SLC25A27: variants seen among roughly 807,000 people sequenced by gnomAD.
SLC25A27 encodes the protein solute carrier family 25 member 27.
A neutral mutation model predicts 49.1 loss-of-function variants in SLC25A27; 35 were observed. The observed-to-expected ratio is 0.71, with a 90% CI of 0.54 to 0.95. SLC25A27 has a LOEUF of 0.95. Among genes scored for constraint, SLC25A27 ranks in the 40% least tolerant of loss-of-function variants. The pLI, the probability that SLC25A27 is intolerant of heterozygous loss-of-function variation, is 0.00. For synonymous variants in SLC25A27, 144 were observed against 136.9 expected (o/e 1.05, Z -0.36); for missense variants, 339 against 397.1 (o/e 0.85, Z 1.24).
intron 2 of SLC25A27, chr6:46,658,478 CCA>C: frequency 2.3e-6 from 1 of 444,404 alleles, no homozygotes; most frequent in East Asian, 7.2e-5. Flanking sequence ...AATAAATTCT[CCA>C]ATGAAATTAT....
At chr6:46,669,679 C>T (rs1763452240) in intron 6 of SLC25A27, among the ~76,000 whole-genome samples, 1 of 152,124 alleles carries the variant, frequency 6.6e-6, no homozygotes, top group African/African-American at 2.4e-5. Flanking sequence ...TTGTAACATT[C>T]TTCCTTCAGG....
chr6:46,666,631 TTTCTC>T (rs1466281140), intron 5 of SLC25A27, among the ~76,000 whole-genome samples: 2 of 152,160 alleles, frequency 1.3e-5, no homozygotes, highest in Non-Finnish European at 2.9e-5. Flanking sequence ...GTAGCCAAAA[TTTCTC>T]TTCCAAGTTC....
At chr6:46,653,830 AAT>A (rs1417944885) in intron 1 of SLC25A27, 1 of 985,274 alleles carries the variant, frequency 1.0e-6, no homozygotes, top group Non-Finnish European at 1.2e-6. Flanking sequence ...AGAAGTCAAT[AAT>A]ATATGATTGC....
chr6:46,662,309 G>A, intron 3 of SLC25A27, 67 bp from the exon 4 acceptor site: 2 of 1,428,126 alleles, frequency 1.4e-6, no homozygotes, highest in South Asian at 2.3e-5. Flanking sequence ...TACCAGCTCA[G>A]TATTGGTTCA....
At chr6:46,653,423 G>A (rs1762837964) in intron 1 of SLC25A27, 125 bp downstream of exon 1, 1 of 1,434,682 alleles carries the variant, frequency 7.0e-7, no homozygotes. Flanking sequence ...TGCCCGCCTG[G>A]CAGAGGTGGC....
At chr6:46,668,557 CCTCT>C (rs777671351) in intron 5 of SLC25A27, 148 bp from the exon 6 acceptor site, 20 of 521,298 alleles carry the variant, frequency 3.8e-5, no homozygotes, top group Non-Finnish European at 7.0e-5. Context: ...TTTTTCTCTC[CCTCT>C]ATCTGTAGCT....
chr6:46,656,168 C>CT (rs111230284), intron 2 of SLC25A27, 134 bp downstream of exon 2: 27 of 618,952 alleles, frequency 4.4e-5, no homozygotes, highest in African/African-American at 1.2e-4. Context: ...AGCACATAGT[C>CT]TTTTTTTATT....
intron 8 of SLC25A27, among the ~76,000 whole-genome samples, chr6:46,673,603 G>T (rs1404851214): frequency 6.6e-6 from 1 of 152,178 alleles, no homozygotes; most frequent in Non-Finnish European, 1.5e-5. Flanking sequence ...ATGAGCATAG[G>T]CATCATGTCA....
At chr6:46,660,541 G>T (rs897486834) in intron 3 of SLC25A27, among the ~76,000 whole-genome samples, 1 of 152,120 alleles carries the variant, frequency 6.6e-6, no homozygotes, top group African/African-American at 2.4e-5. Context: ...GATATTGACT[G>T]TAGCAGTGTT....
intron 8 of SLC25A27, among the ~76,000 whole-genome samples, chr6:46,672,192 C>G (rs78727431): frequency 0.013 from 1,946 of 151,954 alleles, 39 homozygotes; most frequent in African/African-American, 0.043. Context: ...ATGACTTAGC[C>G]AGGAAAGAGG....
chr6:46,656,342 A>G (rs6900121), intron 2 of SLC25A27, among the ~76,000 whole-genome samples: 75,199 of 148,514 alleles, frequency 0.51, 19,093 homozygotes, highest in East Asian at 0.63. Context: ...CACCACACCC[A>G]GCTAATTTTT....
chr6:46,666,109 C>T (rs1300154009), intron 5 of SLC25A27, among the ~76,000 whole-genome samples: 1 of 152,232 alleles, frequency 6.6e-6, no homozygotes, highest in Non-Finnish European at 1.5e-5. Context: ...TTTCCCTCCT[C>T]TCCTACATAG....
chr6:46,659,054 T>C lies in SLC25A27; in HGVS notation c.383+8T>C. 1 of 1,591,834 alleles carries C rather than the reference T, an allele frequency of 6.3e-7. No homozygotes were observed. Among genetic ancestry groups the C allele is most frequent in the Non-Finnish European group, 8.6e-7 (1 of 1,162,894 alleles). ...TGAGCATTATCCCCTTTGGTAAGTT[T>C]TGTTTGGAAAATAATATGCTGTTGC... On this transcript the variant is annotated splice_region_variant and intron_variant, in intron 3 of 8. Transcript: ENST00000371347.
At chr6:46,655,769 A>G (rs1489246357) in intron 1 of SLC25A27, 74 bp from the exon 2 acceptor site, 2 of 1,252,114 alleles carry the variant, frequency 1.6e-6, no homozygotes, top group Non-Finnish European at 2.3e-6. Flanking sequence ...GGAAAATATT[A>G]CTCCTATGAT....
Position 46,676,717 on chromosome 6 carries a change from C to A in SLC25A27, c.*263C>A, listed in dbSNP as rs1296474414. 3.9e-6 allele frequency: 6 copies of A among 1,543,794 alleles called. No individual in the cohort carries two copies. Among genetic ancestry groups the A allele is most frequent in the Non-Finnish European group, 5.3e-6 (6 of 1,140,814 alleles). ...GCATTTTCTAAAGAAGAATCGAAGCCTGACCACTTTCACCTTGGGCAAGAA... is the reference window on the plus strand; with the variant it reads ...GCATTTTCTAAAGAAGAATCGAAGCATGACCACTTTCACCTTGGGCAAGAA... On this transcript the variant is annotated 3_prime_UTR_variant, in exon 9 of 9. Transcript: ENST00000371347.
rs971413902 is a variant in SLC25A27, at chr6:46,677,724, C to T, written c.*1270C>T. The T allele has an allele frequency of 6.6e-6, 1 of 152,474 alleles. No individual in the cohort carries two copies. The highest frequency in any genetic ancestry group is 2.4e-5 in the African/African-American group (1 of 41,404). 9.4% of individuals were successfully genotyped at this position (152,474 alleles called of 1,614,324 possible). ...TGGATAAAGGCTGTAACTGTTAACA[C>T]AGAAAAACATGAAAAGCTCAGGCCC... On this transcript the variant is annotated 3_prime_UTR_variant, in exon 9 of 9. Coordinates refer to ENST00000371347, the MANE Select transcript of SLC25A27 (RefSeq NM_004277.5).
intron 4 of SLC25A27, 137 bp from the exon 5 acceptor site, chr6:46,664,637 A>AT (rs1763265944): frequency 2.1e-6 from 1 of 472,178 alleles, no homozygotes; most frequent in Non-Finnish European, 3.7e-6. Context: ...AGATTGCTTC[A>AT]TTTCTAATAA....
intron 5 of SLC25A27, among the ~76,000 whole-genome samples, chr6:46,668,348 T>C (rs1763391678): frequency 6.6e-6 from 1 of 152,148 alleles, no homozygotes; most frequent in Non-Finnish European, 1.5e-5. Context: ...ATGTATAAAA[T>C]GCTTAATGTA....
In SLC25A27 at chr6:46,668,722, T is replaced by C. The variant is rs552566509; in HGVS notation, c.633T>C (p.Tyr211=). 4.4e-6 allele frequency: 7 copies of C among 1,599,834 alleles called. No homozygotes were observed. The African/African-American group carries it at 5.4e-5, about 12-fold the overall frequency. ...TTCCATTGCCAGATTTAACCACTTATGATACAGTGAAACACTACTTGGTAT... is the reference window on the plus strand; with the variant it reads ...TTCCATTGCCAGATTTAACCACTTACGATACAGTGAAACACTACTTGGTAT... The part of the protein sequence containing the change: ...ALVNMGDLTT[Y]DTVKHYLVLN... The change falls in exon 6 of 9, where the codon TAT becomes TAC. Residue 211 remains tyrosine (Y), a synonymous_variant. Transcript: ENST00000371347.
Sources: gnomAD v4.1 joint callset for allele counts (sites outside exome capture counted in the v4.1 genomes callset) on GRCh38, gnomAD v4.1.1 for gene constraint, MANE v1.5 for transcripts, NCBI Gene and HGNC (gene_info 2026-07-23, HGNC 2026-07-21) for gene names.